The following LRRC31 variants were observed in gnomAD, a reference collection of about 807,000 sequenced individuals.
The protein encoded by LRRC31 is leucine-rich repeat-containing protein 31.
LRRC31 carries 35 observed loss-of-function variants against 46.7 expected under a neutral mutation model. That is an observed-to-expected ratio of 0.75 (90% CI 0.57 to 0.99). The LOEUF is 0.99. Among genes scored for constraint, LRRC31 ranks in the 50% least tolerant of loss-of-function variants. The pLI is 0.00. For synonymous variants in LRRC31, 236 were observed against 235.1 expected, an observed-to-expected ratio of 1.00 and a Z score of -0.03; for missense variants, 613 against 626.1, an observed-to-expected ratio of 0.98 and a Z score of 0.22.
chr3:169,848,129 C>G lies in LRRC31; in HGVS notation c.1318G>C (p.Ala440Pro), dbSNP rs963397680. The G allele has an allele frequency of 2.5e-6, 4 of 1,612,972 alleles. No individual in the cohort carries two copies. The highest frequency in any genetic ancestry group is 3.4e-6 in the Non-Finnish European group (4 of 1,179,274). The change falls in exon 8 of 9, where the codon GCT (alanine) becomes CCT (proline). Residue 440 changes from alanine (A) to proline (P), a missense_variant. Ala to Pro is a conservative substitution (Grantham distance 27, BLOSUM62 -1). Transcript: ENST00000316428. Reference protein sequence around the residue: ...SSCSLVTEDVALLASVIQTGH... With the variant: ...SSCSLVTEDVPLLASVIQTGH... ...ACAAGTAGATACACACCCAGGAGAG[C>G]CACATCCTCTGTCACCAGGGAACAG...
chr3:169,855,591 A>G (rs752417620), intron 5 of LRRC31, among the ~76,000 whole-genome samples: 15 of 152,186 alleles, frequency 9.9e-5, no homozygotes, highest in Non-Finnish European at 2.2e-4. Flanking sequence ...TGAAGGGGAA[A>G]CACAATATCA....
intron 7 of LRRC31, among the ~76,000 whole-genome samples, chr3:169,850,013 T>C (rs1462235391): frequency 1.3e-5 from 2 of 152,204 alleles, no homozygotes; most frequent in Non-Finnish European, 2.9e-5. Context: ...TTGGAGTTGC[T>C]GGATTTGGGT....
rs1353018247 is a variant in LRRC31 at position 169,869,742 on chromosome 3, G to A, written c.66C>T (p.Asn22=). The change falls in exon 1 of 9, where the codon AAC becomes AAT. Residue 22 remains asparagine, a synonymous_variant. Transcript: ENST00000316428. ...GETKPQTSTV[N]KFLRGSNAES... ...CAGCATTGGAGCCCCTGAGAAATTTGTTGACAGTTGAAGTCTGGGGCTTAG... is the reference window on the plus strand; with the variant it reads ...CAGCATTGGAGCCCCTGAGAAATTTATTGACAGTTGAAGTCTGGGGCTTAG... The A allele has an allele frequency of 1.2e-6, 2 of 1,613,118 alleles. No individual in the cohort carries two copies. Among genetic ancestry groups the A allele is most frequent in the African/African-American group, 2.7e-5 (2 of 74,910 alleles).
Position 169,840,301 on chromosome 3 carries a change from T to C in LRRC31, c.1340A>G (p.Gln447Arg). ...TTGCAGTTTGGCCAGATGACCCGTCTGTATGACCGATGCTGGAAAACAGAA... is the reference window on the plus strand; with the variant it reads ...TTGCAGTTTGGCCAGATGACCCGTCCGTATGACCGATGCTGGAAAACAGAA... ...EDVALLASVI[Q>R]TGHLAKLQKL... Residue 447 changes from glutamine (Q) to arginine (R), a missense_variant, in exon 9 of 9, where the codon CAG (glutamine) becomes CGG (arginine). Gln to Arg is a conservative substitution (Grantham distance 43, BLOSUM62 1). Coordinates refer to ENST00000316428, the MANE Select transcript of LRRC31 (RefSeq NM_024727.4). 1 of 1,614,160 alleles carries C rather than the reference T, an allele frequency of 6.2e-7. No individual in the cohort carries two copies. Among genetic ancestry groups the C allele is most frequent in the Non-Finnish European group, 8.5e-7 (1 of 1,180,020 alleles).
At chr3:169,863,821 G>A (rs2108227920) in intron 1 of LRRC31, among the ~76,000 whole-genome samples, 1 of 152,242 alleles carries the variant, frequency 6.6e-6, no homozygotes, top group South Asian at 2.1e-4. Flanking sequence ...ATTTTGGGTG[G>A]GGCAGAGCAG....
At chr3:169,840,375 C>T (rs764427401) in intron 8 of LRRC31, 62 bp from the exon 9 acceptor site, 3 of 1,513,460 alleles carry the variant, frequency 2.0e-6, no homozygotes, top group African/African-American at 1.4e-5. Context: ...TGGCTATTCC[C>T]ATTTCCCATA....
At chr3:169,867,363 T>C (rs1035884597) in intron 1 of LRRC31, among the ~76,000 whole-genome samples, 1 of 150,824 alleles carries the variant, frequency 6.6e-6, no homozygotes, top group African/African-American at 2.4e-5. Flanking sequence ...ATTCAAGCGA[T>C]TCTCCTGCCT....
intron 6 of LRRC31, chr3:169,853,637 C>T (rs1196643769): frequency 4.3e-5 from 42 of 985,714 alleles, no homozygotes; most frequent in Non-Finnish European, 4.8e-5. Flanking sequence ...ACCCATAATG[C>T]TCCACGCAAA....
intron 6 of LRRC31, 22 bp from the exon 7 acceptor site, chr3:169,851,808 A>G (rs1262914591): frequency 6.2e-7 from 1 of 1,612,304 alleles, no homozygotes; most frequent in African/African-American, 1.3e-5. Context: ...ATCAACAGTG[A>G]CATGTTTTAG....
rs748638573 is a variant in LRRC31, at chr3:169,851,619, C to A, written c.1159G>T (p.Ala387Ser). The A allele has an allele frequency of 1.2e-6, 2 of 1,612,664 alleles. No homozygotes were observed. Among genetic ancestry groups the A allele is most frequent in the Admixed American group, 3.4e-5 (2 of 59,658 alleles). Residue 387 changes from alanine (A) to serine (S), a missense_variant and splice_region_variant, in exon 7 of 9, where the codon GCT becomes TCT. Physicochemically the swap from Ala to Ser is moderately conservative, Grantham distance 99. Transcript: ENST00000316428. ...ALESETFTAL[A>S]EASVHLSALE... ...TGCAGGGATCTGGGAAATCTCTTAC[C>A]AAGAGCTGTAAAAGTCTCACTCTCC...
In LRRC31 at chr3:169,869,895, T is replaced by G; in HGVS notation, c.-88A>C. ...TTTCTAAGAAGAAAAGAAGATTCTGTCAAGCCTGTGTTCAATCAAAATATC... is the reference window on the plus strand; with the variant it reads ...TTTCTAAGAAGAAAAGAAGATTCTGGCAAGCCTGTGTTCAATCAAAATATC... On this transcript the variant is annotated 5_prime_UTR_variant, in exon 1 of 9. Transcript: ENST00000316428. 1 of 1,271,534 alleles carries G rather than the reference T, an allele frequency of 7.9e-7. No homozygotes were observed. The highest frequency in any genetic ancestry group is 1.1e-6 in the Non-Finnish European group (1 of 935,444). 78.8% of individuals were successfully genotyped at this position (1,271,534 alleles called of 1,614,324 possible). A position where few individuals can be genotyped will look rare whatever the true frequency, so the allele number is the denominator to read the frequency against.
At chr3:169,844,715 C>T (rs1780551318) in intron 8 of LRRC31, among the ~76,000 whole-genome samples, 1 of 152,250 alleles carries the variant, frequency 6.6e-6, no homozygotes, top group East Asian at 1.9e-4. Flanking sequence ...AGGCAGATCA[C>T]GAGGTCAGGA....
chr3:169,844,804 T>C (rs1453146331), intron 8 of LRRC31, among the ~76,000 whole-genome samples: 3 of 151,792 alleles, frequency 2.0e-5, no homozygotes, highest in Non-Finnish European at 4.4e-5. Context: ...TGGTGGCACA[T>C]GCCTGTAGTC....
In LRRC31 at chr3:169,869,667, G is replaced by A. The variant is rs755242191; in HGVS notation, c.141C>T (p.Ser47=). 1.2e-5 allele frequency: 20 copies of A among 1,608,988 alleles called. No homozygotes were observed. Among genetic ancestry groups the A allele is most frequent in the South Asian group, 7.9e-5 (7 of 89,018 alleles). The change falls in exon 1 of 9, where the codon AGC becomes AGT. Residue 47 remains serine (S), a synonymous_variant. Transcript: ENST00000316428. Reference sequence around the variant, plus strand: ...AGGTGGCTGTCTTCTGTATCCAGTCGCTGGGTTGGGAATCACTTGTTTTAA... The same window carrying A: ...AGGTGGCTGTCTTCTGTATCCAGTCACTGGGTTGGGAATCACTTGTTTTAA... ...NDLKTSDSQP[S]DWIQKTATSE...
rs1052771532 is a variant in LRRC31, at chr3:169,844,646, T to A, written c.1327+3474A>T. Among the ~76,000 whole-genome samples, 9 of 151,972 alleles carry A rather than the reference T, an allele frequency of 5.9e-5. 1 individual carries two copies. Among genetic ancestry groups the A allele is most frequent in the African/African-American group, 2.2e-4 (9 of 41,364 alleles). On this transcript the variant is annotated intron_variant, in intron 8 of 8. Transcript: ENST00000316428. Reference sequence around the variant, plus strand: ...ACACAGAGATAAAGAAATAAATCTGTCTCTAGGCCGGGCACAGTGGCTCAC... The same window carrying A: ...ACACAGAGATAAAGAAATAAATCTGACTCTAGGCCGGGCACAGTGGCTCAC...
At chr3:169,851,815 T>G in intron 6 of LRRC31, 29 bp from the exon 7 acceptor site, 1 of 1,609,474 alleles carries the variant, frequency 6.2e-7, no homozygotes, top group South Asian at 1.1e-5. Flanking sequence ...GTGACATGTT[T>G]TAGGCACCAT....
chr3:169,842,582 C>T (rs1429043978), intron 8 of LRRC31, among the ~76,000 whole-genome samples: 1 of 152,090 alleles, frequency 6.6e-6, no homozygotes, highest in Non-Finnish European at 1.5e-5. Flanking sequence ...AACTCCTGAC[C>T]TCAGGTGATC....
At chr3:169,862,816 T>C (rs1664269089) in intron 1 of LRRC31, among the ~76,000 whole-genome samples, 1 of 152,030 alleles carries the variant, frequency 6.6e-6, no homozygotes, top group Admixed American at 6.6e-5. Flanking sequence ...AGCTATCATT[T>C]TATTGAGCAC....
At chr3:169,857,415 C>CATATATATATATATATATATATGTATAT (rs1553924970) in intron 3 of LRRC31, among the ~76,000 whole-genome samples, 1 of 98,674 alleles carries the variant, frequency 1.0e-5, no homozygotes, top group African/African-American at 3.6e-5. Context: ...TATACATATA[C>CATATATATATATATATATATATGTATAT]ATATATATAT....
Sources: gnomAD v4.1 joint callset for allele counts (sites outside exome capture counted in the v4.1 genomes callset) on GRCh38, gnomAD v4.1.1 for gene constraint, MANE v1.5 for transcripts, NCBI Gene and HGNC (gene_info 2026-07-23, HGNC 2026-07-21) for gene names.